Variants in WDR72 observed in about 807,000 individuals in gnomAD.
WDR72 encodes WD repeat domain 72.
WDR72 carries 120 observed loss-of-function variants against 124.2 expected under a neutral mutation model. That is an observed-to-expected ratio of 0.97 (90% CI 0.83 to 1.12). The LOEUF (loss-of-function observed/expected upper bound fraction) is 1.12, where lower values mean the gene tolerates loss of function less well. WDR72 is among the 50% of genes most tolerant of loss of function. WDR72 has a pLI of 0.00. For missense variants in WDR72, 1,387 were observed against 1,278.8 expected, an observed-to-expected ratio of 1.08 and a Z score of -1.29; for synonymous variants, 452 against 441.7, an observed-to-expected ratio of 1.02 and a Z score of -0.29.
intron 18 of WDR72, among the ~76,000 whole-genome samples, chr15:53,581,058 C>T (rs903932490): frequency 7.6e-6 from 1 of 131,792 alleles, no homozygotes; most frequent in Non-Finnish European, 1.7e-5. Context: ...ACCATAAACA[C>T]ATTGACTGAC....
chr15:53,761,906 G>T (rs896940369), upstream of WDR72, among the ~76,000 whole-genome samples: 2 of 152,116 alleles, frequency 1.3e-5, no homozygotes, highest in African/African-American at 4.8e-5. Flanking sequence ...AAAGTATCAA[G>T]AGTGGGTGAA....
intron 18 of WDR72, among the ~76,000 whole-genome samples, chr15:53,571,601 T>A (rs1894528032): frequency 6.6e-6 from 1 of 152,126 alleles, no homozygotes; most frequent in Non-Finnish European, 1.5e-5. Context: ...CACATTTTCC[T>A]TATTTATTCA....
intron 14 of WDR72, among the ~76,000 whole-genome samples, chr15:53,632,478 G>A (rs952080096): frequency 3.3e-5 from 5 of 152,110 alleles, no homozygotes; most frequent in Non-Finnish European, 7.4e-5. Context: ...CTGCAGAGGG[G>A]AAATGGGGGG....
At chr15:53,676,990 G>A (rs1252887943) in intron 13 of WDR72, among the ~76,000 whole-genome samples, 2 of 147,188 alleles carry the variant, frequency 1.4e-5, no homozygotes, top group East Asian at 2.0e-4. Context: ...GCACCATCTC[G>A]GCTCACTGCA....
intron 18 of WDR72, among the ~76,000 whole-genome samples, chr15:53,582,242 C>T (rs551369789): frequency 2.6e-5 from 4 of 152,072 alleles, no homozygotes; most frequent in East Asian, 1.9e-4. Flanking sequence ...AGAGACAACT[C>T]GGCTAAGTAA....
chr15:53,675,741 C>G (rs2016150550), intron 13 of WDR72, among the ~76,000 whole-genome samples: 1 of 152,062 alleles, frequency 6.6e-6, no homozygotes, highest in African/African-American at 2.4e-5. Context: ...TTAATCAGAT[C>G]AATATCTTGC....
intron 14 of WDR72, among the ~76,000 whole-genome samples, chr15:53,617,932 G>C (rs556346122): frequency 3.2e-4 from 49 of 151,984 alleles, no homozygotes; most frequent in Middle Eastern, 6.8e-3. Flanking sequence ...ATAGTTTCTG[G>C]GGTGCTCACA....
chr15:53,579,176 G>A (rs1313452926), intron 18 of WDR72, among the ~76,000 whole-genome samples: 3 of 152,060 alleles, frequency 2.0e-5, no homozygotes, highest in African/African-American at 7.2e-5. Flanking sequence ...GTTTAGGTGA[G>A]CCTAACAAGA....
intron 18 of WDR72, among the ~76,000 whole-genome samples, chr15:53,563,677 AT>A (rs922330166): frequency 2.0e-5 from 3 of 151,206 alleles, no homozygotes; most frequent in Admixed American, 6.6e-5. Flanking sequence ...AATTTTTAAG[AT>A]TTTTTTTTAA....
At chr15:53,760,768 G>A (rs185640038), upstream of WDR72, among the ~76,000 whole-genome samples, 957 of 152,206 alleles carry the variant, frequency 6.3e-3, 5 homozygotes, top group Non-Finnish European at 8.5e-3. Context: ...ATTATTCTCC[G>A]TAGTGGTGGT....
intron 13 of WDR72, among the ~76,000 whole-genome samples, chr15:53,679,375 A>G (rs906291082): frequency 1.3e-5 from 2 of 152,226 alleles, no homozygotes; most frequent in African/African-American, 2.4e-5. Flanking sequence ...ATAATAAAAA[A>G]GCATCTGTGT....
At chr15:53,667,239 G>T (rs889639060) in intron 13 of WDR72, among the ~76,000 whole-genome samples, 1 of 152,096 alleles carries the variant, frequency 6.6e-6, no homozygotes, top group African/African-American at 2.4e-5. Flanking sequence ...TACAGTCCCA[G>T]CTACTAGGTA....
intron 13 of WDR72, among the ~76,000 whole-genome samples, chr15:53,688,158 A>G (rs2016708358): frequency 6.6e-6 from 1 of 150,846 alleles, no homozygotes; most frequent in African/African-American, 2.5e-5. Context: ...GGCACAAGAC[A>G]GGGATGCCCT....
chr15:53,665,181 G>A (rs2015734312), intron 14 of WDR72, among the ~76,000 whole-genome samples: 1 of 150,674 alleles, frequency 6.6e-6, no homozygotes, highest in Admixed American at 6.6e-5. Flanking sequence ...TATCCATACT[G>A]TGATCTAGTT....
chr15:53,748,632 A>G (rs2140891628), intron 1 of WDR72, among the ~76,000 whole-genome samples: 1 of 152,282 alleles, frequency 6.6e-6, no homozygotes, highest in South Asian at 2.1e-4. Flanking sequence ...CTCTTAGTTG[A>G]TGATCCTTTC....
chr15:53,589,949 T>C (rs1281361258), intron 18 of WDR72, among the ~76,000 whole-genome samples: 2 of 152,036 alleles, frequency 1.3e-5, no homozygotes, highest in African/African-American at 2.4e-5. Context: ...AGAATGTATA[T>C]GGGCAAAAGG....
chr15:53,602,609 AAG>A (rs1263623677), intron 17 of WDR72, among the ~76,000 whole-genome samples: 2 of 152,138 alleles, frequency 1.3e-5, no homozygotes, highest in Non-Finnish European at 1.5e-5. Context: ...TAAAGAAGAA[AAG>A]AGAGAAGATT....
Position 53,746,411 on chromosome 15 carries a change from C to T in WDR72, c.-13+13222G>A, listed in dbSNP as rs144142433. On this transcript the variant is annotated intron_variant, in intron 1 of 19. Coordinates refer to ENST00000360509, the MANE Select transcript of WDR72 (RefSeq NM_182758.4). The stretch of plus-strand genomic sequence containing the variant: ...CTCAAACCCCTTGACTGAGGACAGC[C>T]CACTAGAAACACAAAGGATAAAGTT... Among the ~76,000 whole-genome samples the T allele has an allele frequency of 2.6e-4, 39 of 152,214 alleles. No homozygotes were observed. In the East Asian group the frequency reaches 6.9e-3, roughly 27 times the overall value.
intron 13 of WDR72, among the ~76,000 whole-genome samples, chr15:53,666,016 A>C (rs2015767779): frequency 6.6e-6 from 1 of 152,192 alleles, no homozygotes; most frequent in Non-Finnish European, 1.5e-5. Flanking sequence ...AATCAACAGG[A>C]GATTCGATAG....
Sources: gnomAD v4.1 joint callset for allele counts (sites outside exome capture counted in the v4.1 genomes callset) on GRCh38, gnomAD v4.1.1 for gene constraint, MANE v1.5 for transcripts, NCBI Gene and HGNC (gene_info 2026-07-23, HGNC 2026-07-21) for gene names.